The following FGF21 variants were observed in gnomAD, a reference collection of about 807,000 sequenced individuals.
The protein encoded by FGF21 is fibroblast growth factor 21.
A neutral mutation model predicts 13.4 loss-of-function variants in FGF21; 13 were observed. The observed-to-expected ratio is 0.97, with a 90% confidence interval of 0.63 to 1.54. The LOEUF (loss-of-function observed/expected upper bound fraction) is 1.54, where lower values mean the gene tolerates loss of function less well. Among genes scored for constraint, FGF21 ranks in the 40% most tolerant of loss-of-function variants. FGF21 has a pLI of 0.00. For missense variants in FGF21, 303 were observed against 272.4 expected (o/e 1.11, Z -0.79); for synonymous variants, 124 against 123.6 (o/e 1.00, Z -0.02).
At chr19:48,757,431 C>T (rs367643105) in intron 3 of FGF21, among the ~76,000 whole-genome samples, 1 of 152,192 alleles carries the variant, frequency 6.6e-6, no homozygotes, top group Non-Finnish European at 1.5e-5. Context: ...CCCCGCCTGG[C>T]CTGAGAGAGC....
chr19:48,758,125 G>A lies in FGF21; in HGVS notation c.535G>A (p.Gly179Arg), dbSNP rs200685930. 1.7e-4 allele frequency: 268 copies of A among 1,610,492 alleles called. 1 individual carries two copies. The highest frequency in any genetic ancestry group is 1.7e-4 in the Middle Eastern group (1 of 5,954). ...GLPPALPEPP[G>R]ILAPQPPDVG... is the part of the protein sequence containing the mutation. Reference sequence around the variant, plus strand: ...GCCCCCCGCACTCCCGGAGCCACCCGGAATCCTGGCCCCCCAGCCCCCCGA... The same window carrying A: ...GCCCCCCGCACTCCCGGAGCCACCCAGAATCCTGGCCCCCCAGCCCCCCGA... The change falls in exon 4 of 4, where the codon GGA (glycine) becomes AGA (arginine). Residue 179 changes from glycine (G) to arginine (R), a missense_variant. Transcript: ENST00000593756.
chr19:48,756,502 G>A (rs1278129597), intron 2 of FGF21, 31 bp downstream of exon 2: 8 of 1,590,870 alleles, frequency 5.0e-6, no homozygotes, highest in Admixed American at 3.5e-5. Context: ...GGGTCTGAGG[G>A]AGGAGGGGCT....
chr19:48,757,735 G>A (rs547142921), intron 3 of FGF21, among the ~76,000 whole-genome samples, 195 bp from the exon 4 acceptor site: 4 of 144,228 alleles, frequency 2.8e-5, no homozygotes, highest in Non-Finnish European at 6.1e-5. Flanking sequence ...CCGGGTCTGA[G>A]GGAGGAGGCG....
rs1051839058 is a variant in FGF21 at position 48,758,183 on chromosome 19, G to A, written c.593G>A (p.Gly198Glu). ...TCCTCGGACCCTCTGAGCATGGTGG[G>A]ACCTTCCCAGGGCCGAAGCCCCAGC... is the stretch of plus-strand genomic sequence containing the variant. ...VGSSDPLSMVGPSQGRSPSYA... is the reference protein window; with the variant it reads ...VGSSDPLSMVEPSQGRSPSYA... Residue 198 changes from glycine to glutamate, a missense_variant, in exon 4 of 4, where the codon GGA becomes GAA. Physicochemically the swap from Gly to Glu is moderately conservative, Grantham distance 98. Transcript: ENST00000593756. The A allele has an allele frequency of 1.7e-5, 27 of 1,612,328 alleles. No individual in the cohort carries two copies. Among genetic ancestry groups the A allele is most frequent in the Non-Finnish European group, 2.3e-5 (27 of 1,179,744 alleles).
At position 48,757,935 on chromosome 19, in the gene FGF21, C is replaced by G; in HGVS notation, c.345C>G (p.His115Gln). Residue 115 changes from histidine to glutamine, a missense_variant, in exon 4 of 4, where the codon CAC becomes CAG. Transcript: ENST00000593756. ...RPDGALYGSL[H>Q]FDPEACSFRE... ...ATCCTGTTTTTGTCCCCTAGCTCCA[C>G]TTTGACCCTGAGGCCTGCAGCTTCC... 1.3e-6 allele frequency: 2 copies of G among 1,555,486 alleles called. No homozygotes were observed. Among genetic ancestry groups the G allele is most frequent in the Non-Finnish European group, 1.7e-6 (2 of 1,150,594 alleles).
In FGF21 at chr19:48,756,064, C is replaced by G. The variant is rs2231861; in HGVS notation, c.-173C>G. On this transcript the variant is annotated 5_prime_UTR_variant, in exon 2 of 4. It adds an upstream start codon to the 5' untranslated region. Coordinates refer to ENST00000593756, the MANE Select transcript of FGF21 (RefSeq NM_019113.4). ...GGTATAAATTCTGGAGCTTCTGCAT[C>G]TATCCCAAAAAACAAGGGTGTTCTG... 0.049 allele frequency: 29,515 copies of G among 602,100 alleles called. 940 individuals are homozygous for G. The highest frequency in any genetic ancestry group is 0.061 in the Non-Finnish European group (20,787 of 340,996). 37.3% of individuals were successfully genotyped at this position (602,100 alleles called of 1,614,324 possible).
intron 3 of FGF21, 115 bp from the exon 4 acceptor site, chr19:48,757,815 G>A: frequency 1.0e-6 from 1 of 967,906 alleles, no homozygotes. Context: ...TGAGGGAGGA[G>A]GCGCTGGGGG....
rs1209294679 is a variant in FGF21 at position 48,755,693 on chromosome 19, C to T, written c.-438C>T. ...CCCAAACTTAGAAATTCAGATGGGG[C>T]GCAGAAATTTCTCTTGTTCTGCGTG... On this transcript the variant is annotated 5_prime_UTR_variant, in exon 1 of 4. Transcript: ENST00000593756. The T allele has an allele frequency of 2.0e-5, 3 of 152,264 alleles. No individual in the cohort carries two copies. Among genetic ancestry groups the T allele is most frequent in the African/African-American group, 7.2e-5 (3 of 41,412 alleles). 9.4% of individuals were successfully genotyped at this position (152,264 alleles called of 1,614,324 possible).
Position 48,756,013 on chromosome 19 carries a change from G to A in FGF21, c.-224G>A. 3 of 564,568 alleles carry A rather than the reference G, an allele frequency of 5.3e-6. No homozygotes were observed. Among genetic ancestry groups the A allele is most frequent in the Non-Finnish European group, 9.5e-6 (3 of 316,462 alleles). 35.0% of individuals were successfully genotyped at this position (564,568 alleles called of 1,614,324 possible). Reference sequence around the variant, plus strand: ...GTCAAATATCATGGTTCAGGCGCAGGGAGGGTGATTGGGCGGGCCTGTCTG... The same window carrying A: ...GTCAAATATCATGGTTCAGGCGCAGAGAGGGTGATTGGGCGGGCCTGTCTG... On this transcript the variant is annotated 5_prime_UTR_variant, in exon 2 of 4. Coordinates refer to ENST00000593756, the MANE Select transcript of FGF21 (RefSeq NM_019113.4).
Position 48,756,370 on chromosome 19 carries a change from G to C in FGF21, c.134G>C (p.Arg45Pro). 1.2e-6 allele frequency: 2 copies of C among 1,614,002 alleles called. No homozygotes were observed. The highest frequency in any genetic ancestry group is 1.7e-6 in the Non-Finnish European group (2 of 1,180,026). ...SPLLQFGGQV[R>P]QRYLYTDDAQ... is the part of the protein sequence containing the mutation. ...CTCCTGCAATTCGGGGGCCAAGTCC[G>C]GCAGCGGTACCTCTACACAGATGAT... Residue 45 changes from arginine (R) to proline (P), a missense_variant, in exon 2 of 4, where the codon CGG becomes CCG. Arg to Pro is a moderately radical substitution (Grantham distance 103). Coordinates refer to ENST00000593756, the MANE Select transcript of FGF21 (RefSeq NM_019113.4).
rs41308774 is a variant in FGF21 at position 48,757,268 on chromosome 19, C to T, written c.339+239C>T. 1.1e-3 allele frequency among the ~76,000 whole-genome samples: 161 copies of T among 152,294 alleles called. 2 individuals are homozygous for T. The highest frequency in any genetic ancestry group is 6.8e-3 in the Middle Eastern group (2 of 294). On this transcript the variant is annotated intron_variant, in intron 3 of 3. Transcript: ENST00000593756. ...ATCATGTGATGTGTGGATGCTGGAG[C>T]GGCCTGAGGCTCAGGTTATTGGGAG... is the stretch of plus-strand genomic sequence containing the variant.
rs764793556 is a variant in FGF21, at chr19:48,757,919, T to C, written c.340-11T>C. 10 of 1,532,550 alleles carry C rather than the reference T, an allele frequency of 6.5e-6. No homozygotes were observed. The South Asian group carries it at 1.1e-4, about 18-fold the overall frequency. The allele number at this position is 1,532,550 out of a possible 1,614,324, so 94.9% of individuals were successfully genotyped here. On this transcript the variant is annotated splice_polypyrimidine_tract_variant and intron_variant, in intron 3 of 3. Coordinates refer to ENST00000593756, the MANE Select transcript of FGF21 (RefSeq NM_019113.4). ...AGGAACCCTGTCTCTGATCCTGTTT[T>C]TGTCCCCTAGCTCCACTTTGACCCT...
chr19:48,757,790 C>A, intron 3 of FGF21, 140 bp from the exon 4 acceptor site: 1 of 739,592 alleles, frequency 1.4e-6, no homozygotes, highest in Non-Finnish European at 2.2e-6. Context: ...AAACTAGGGT[C>A]TGGACCCCTG....
rs1348037682 is a variant in FGF21, at chr19:48,757,980, C to T, written c.390C>T (p.Asp130=). Residue 130 remains aspartate (D), a synonymous_variant, in exon 4 of 4, where the codon GAC becomes GAT. Coordinates refer to ENST00000593756, the MANE Select transcript of FGF21 (RefSeq NM_019113.4). ...ACSFRELLLE[D]GYNVYQSEAH... The stretch of plus-strand genomic sequence containing the variant: ...GCTTCCGGGAGCTGCTTCTTGAGGA[C>T]GGATACAATGTTTACCAGTCCGAAG... 13 of 1,604,356 alleles carry T rather than the reference C, an allele frequency of 8.1e-6. No homozygotes were observed. The highest frequency in any genetic ancestry group is 4.0e-5 in the African/African-American group (3 of 74,574).
chr19:48,756,589 G>A (rs1368781518), intron 2 of FGF21, 118 bp downstream of exon 2: 1 of 261,266 alleles, frequency 3.8e-6, no homozygotes, highest in Non-Finnish European at 5.3e-6. Flanking sequence ...GAGGGGCTGG[G>A]GATCTGGACT....
At chr19:48,756,639 TG>T (rs2034106014) in intron 2 of FGF21, among the ~76,000 whole-genome samples, 168 bp downstream of exon 2, 2 of 77,526 alleles carry the variant, frequency 2.6e-5, no homozygotes, top group Non-Finnish European at 5.3e-5. Context: ...TCTGGGCCCC[TG>T]GGTCTGAGGG....
chr19:48,756,631 T>TGGACTCCTGGGTCTGAGGGAGGAG (rs2034103808), intron 2 of FGF21, among the ~76,000 whole-genome samples, 160 bp downstream of exon 2: 1 of 82,616 alleles, frequency 1.2e-5, no homozygotes, highest in Non-Finnish European at 2.5e-5. Context: ...GCTGGGGATC[T>TGGACTCCTGGGTCTGAGGGAGGAG]GGGCCCCTGG....
Position 48,756,188 on chromosome 19 carries a change from G to A in FGF21, c.-49G>A. ...TCTGGCACCAATTCTAAACCACTCA[G>A]CTTCTCCGAGCTCACACCCCGGAGA... On this transcript the variant is annotated 5_prime_UTR_variant, in exon 2 of 4. Coordinates refer to ENST00000593756, the MANE Select transcript of FGF21 (RefSeq NM_019113.4). The A allele has an allele frequency of 6.5e-7, 1 of 1,530,666 alleles. No individual in the cohort carries two copies. The highest frequency in any genetic ancestry group is 9.0e-7 in the Non-Finnish European group (1 of 1,116,924). The allele number at this position is 1,530,666 out of a possible 1,614,324, so 94.8% of individuals were successfully genotyped here.
In FGF21 at chr19:48,758,084, TGC is replaced by T; in HGVS notation, c.495_496del (p.Pro166ThrfsTer81). 1 of 1,612,382 alleles carries T rather than the reference TGC, an allele frequency of 6.2e-7. No individual in the cohort carries two copies. Reference sequence around the variant, plus strand: ...GCACCCCGAGGACCAGCTCGCTTCCTGCCACTACCAGGCCTGCCCCCCGCACT... The same window carrying T: ...GCACCCCGAGGACCAGCTCGCTTCCTCACTACCAGGCCTGCCCCCCGCACT... On this transcript the variant is annotated frameshift_variant, in exon 4 of 4. Transcript: ENST00000593756. LOFTEE classifies it low-confidence loss of function (END_TRUNC).
Sources: gnomAD v4.1 joint callset for allele counts (sites outside exome capture counted in the v4.1 genomes callset) on GRCh38, gnomAD v4.1.1 for gene constraint, MANE v1.5 for transcripts, NCBI Gene and HGNC (gene_info 2026-07-23, HGNC 2026-07-21) for gene names.